Variants in ARID2 observed in about 807,000 individuals in gnomAD.
The protein encoded by ARID2 is AT-rich interactive domain-containing protein 2.
Under a neutral mutation model 184.6 loss-of-function variants are expected in ARID2, and 32 were observed. The ratio of observed to expected loss-of-function variants is 0.17; its 90% CI spans 0.13 to 0.23. The LOEUF is 0.23. Ranked by LOEUF, ARID2 falls within the 10% of genes least tolerant of loss-of-function variation. The pLI is 1.00. For missense variants in ARID2, 1,696 were observed against 2,197.6 expected (o/e 0.77, Z 4.56); for synonymous variants, 836 against 772.6 (o/e 1.08, Z -1.36).
At chr12:45,899,738 GTT>G (rs1491347188) in intron 20 of ARID2, among the ~76,000 whole-genome samples, 8 of 111,042 alleles carry the variant, frequency 7.2e-5, no homozygotes, top group Non-Finnish European at 7.9e-5. Context: ...TATATATATG[GTT>G]TTATATATAT....
chr12:45,753,520 T>C (rs1941507561), intron 3 of ARID2, among the ~76,000 whole-genome samples: 1 of 152,202 alleles, frequency 6.6e-6, no homozygotes, highest in African/African-American at 2.4e-5. Context: ...GTATATGTAG[T>C]GTCTGGTATA....
At chr12:45,750,369 A>T (rs971436142) in intron 3 of ARID2, among the ~76,000 whole-genome samples, 6 of 152,364 alleles carry the variant, frequency 3.9e-5, no homozygotes, top group Non-Finnish European at 7.3e-5. Context: ...ATTACTGATC[A>T]GAGATCACCA....
intron 20 of ARID2, among the ~76,000 whole-genome samples, chr12:45,899,381 G>T (rs1944416347): frequency 6.7e-6 from 1 of 149,042 alleles, no homozygotes; most frequent in Non-Finnish European, 1.5e-5. Context: ...AAGGCGGGCA[G>T]ATCACGAGGT....
chr12:45,796,669 A>G (rs1485577119), intron 3 of ARID2, among the ~76,000 whole-genome samples: 2 of 152,136 alleles, frequency 1.3e-5, no homozygotes, highest in Non-Finnish European at 2.9e-5. Context: ...ACATGCCACC[A>G]TGCCCAGCTA....
chr12:45,873,099 T>A (rs1047965642), intron 16 of ARID2, among the ~76,000 whole-genome samples: 1 of 152,228 alleles, frequency 6.6e-6, no homozygotes, highest in African/African-American at 2.4e-5. Context: ...TTGGAGAAGA[T>A]TGTTAGGTTT....
Position 45,729,995 on chromosome 12 carries a change from C to T in ARID2, c.93-49C>T, listed in dbSNP as rs563971615. On this transcript the variant is annotated intron_variant, in intron 1 of 20. Transcript: ENST00000334344. ...GCGAACGGGGCTCTCCCGCCCGGGC[C>T]GGGCACGGGGTCCCGGCTGACAAGT... 3 of 1,607,648 alleles carry T rather than the reference C, an allele frequency of 1.9e-6. No homozygotes were observed. In the African/African-American group the frequency reaches 4.0e-5, roughly 21 times the overall value.
intron 3 of ARID2, among the ~76,000 whole-genome samples, chr12:45,748,351 A>G (rs1454171701): frequency 3.3e-5 from 5 of 152,212 alleles, no homozygotes; most frequent in African/African-American, 4.8e-5. Context: ...TGATTGTGCC[A>G]CTGGACTCCA....
chr12:45,848,632 T>C lies in ARID2; in HGVS notation c.1581-204T>C, dbSNP rs373471902. Among the ~76,000 whole-genome samples the C allele has an allele frequency of 2.3e-3, 343 of 152,254 alleles. 12 individuals are homozygous for C. The South Asian group carries it at 0.067, about 30-fold the overall frequency. On this transcript the variant is annotated intron_variant, in intron 12 of 20. Coordinates refer to ENST00000334344, the MANE Select transcript of ARID2 (RefSeq NM_152641.4). ...TTTTATATTTGTTGTCAGTGTCATT[T>C]TTAATACTAAAATAAGCATGTTAAT...
chr12:45,859,110 CT>C (rs1943700416), intron 15 of ARID2, among the ~76,000 whole-genome samples: 1 of 152,200 alleles, frequency 6.6e-6, no homozygotes, highest in South Asian at 2.1e-4. Flanking sequence ...TAGCTTACTG[CT>C]TTCCCACCTA....
chr12:45,889,860 C>A (rs1050351484), intron 16 of ARID2, among the ~76,000 whole-genome samples: 1 of 152,232 alleles, frequency 6.6e-6, no homozygotes, highest in African/African-American at 2.4e-5. Context: ...ATCGCTTGAA[C>A]CCGGGAGGCA....
chr12:45,776,666 G>A (rs1283910507), intron 3 of ARID2, among the ~76,000 whole-genome samples: 1 of 151,876 alleles, frequency 6.6e-6, no homozygotes, highest in Non-Finnish European at 1.5e-5. Context: ...TTTAAAAATC[G>A]AGGCTGGGCA....
chr12:45,853,008 CTCACTTGT>C, intron 15 of ARID2, 112 bp downstream of exon 15: 1 of 1,411,248 alleles, frequency 7.1e-7, no homozygotes, highest in Non-Finnish European at 9.2e-7. Flanking sequence ...ACTGTATCAG[CTCACTTGT>C]ATCCAACCTG....
chr12:45,801,206 G>T (rs573327558), intron 3 of ARID2, among the ~76,000 whole-genome samples: 2 of 152,120 alleles, frequency 1.3e-5, no homozygotes, highest in East Asian at 3.9e-4. Flanking sequence ...CAGCTACTTG[G>T]TAGGCTGAGG....
chr12:45,757,374 C>T (rs1211915160), intron 3 of ARID2, among the ~76,000 whole-genome samples: 1 of 152,220 alleles, frequency 6.6e-6, no homozygotes, highest in Non-Finnish European at 1.5e-5. Flanking sequence ...CATCTCTTCC[C>T]ACTCCTGACC....
At chr12:45,787,548 A>G (rs1468820137) in intron 3 of ARID2, among the ~76,000 whole-genome samples, 1 of 152,008 alleles carries the variant, frequency 6.6e-6, no homozygotes, top group Non-Finnish European at 1.5e-5. Context: ...GTGTACATAT[A>G]CATATTTCAA....
chr12:45,822,134 C>A (rs1160730560), intron 6 of ARID2, among the ~76,000 whole-genome samples: 1 of 152,112 alleles, frequency 6.6e-6, no homozygotes, highest in Non-Finnish European at 1.5e-5. Context: ...GAGATACATT[C>A]AAGTATGATT....
intron 3 of ARID2, among the ~76,000 whole-genome samples, chr12:45,807,036 T>C (rs1384353700): frequency 6.6e-6 from 1 of 152,218 alleles, no homozygotes; most frequent in Non-Finnish European, 1.5e-5. Context: ...GAAATCCAAA[T>C]TGAACTTGCC....
intron 6 of ARID2, among the ~76,000 whole-genome samples, chr12:45,829,268 CAGATTTTTAGTCAAGAAACTGAAATT>C: frequency 6.6e-6 from 1 of 152,116 alleles, no homozygotes; most frequent in African/African-American, 2.4e-5. Flanking sequence ...TTGAAAGTAC[CAGATTTTTAGTCAAGAAACTGAAATT>C]CTTCCTACTA....
chr12:45,782,884 A>C (rs957044767), intron 3 of ARID2, among the ~76,000 whole-genome samples: 2 of 151,842 alleles, frequency 1.3e-5, no homozygotes, highest in African/African-American at 4.8e-5. Context: ...TGAGGCGGGT[A>C]GATCACTTGA....
Sources: allele counts gnomAD v4.1 joint callset (sites outside exome capture counted in the v4.1 genomes callset), GRCh38; gene constraint gnomAD v4.1.1; transcripts MANE v1.5; gene names NCBI Gene and HGNC (gene_info 2026-07-23, HGNC 2026-07-21).